Variants in PCDH9 observed in about 807,000 individuals in gnomAD.
PCDH9 encodes protocadherin 9.
Under a neutral mutation model 70.6 loss-of-function variants are expected in PCDH9, and 24 were observed. The ratio of observed to expected loss-of-function variants is 0.34; its 90% CI spans 0.25 to 0.48. The LOEUF (loss-of-function observed/expected upper bound fraction) is 0.48, where lower values mean the gene tolerates loss of function less well. Among genes scored for constraint, PCDH9 ranks in the 20% least tolerant of loss-of-function variants. The pLI, the probability that PCDH9 is intolerant of heterozygous loss-of-function variation, is 0.99. For synonymous variants in PCDH9, 562 were observed against 558.5 expected, an observed-to-expected ratio of 1.01 and a Z score of -0.09; for missense variants, 1,281 against 1,503.6, an observed-to-expected ratio of 0.85 and a Z score of 2.45.
rs180886807 is a variant in PCDH9 at position 66,847,630 on chromosome 13, C to G, written c.3138+55874G>C. On this transcript the variant is annotated intron_variant, in intron 3 of 4. Coordinates refer to ENST00000377865, the MANE Select transcript of PCDH9 (RefSeq NM_203487.3). ...TTTCACCTATTAACTTAAAAGGAAG[C>G]ATTTTATGACGTCTTTTCGACATAT... Among the ~76,000 whole-genome samples, 45 of 152,276 alleles carry G rather than the reference C, an allele frequency of 3.0e-4. 2 individuals are homozygous for G. In the East Asian group the frequency reaches 8.3e-3, roughly 28 times the overall value.
intron 2 of PCDH9, among the ~76,000 whole-genome samples, chr13:66,995,796 T>C (rs2084101911): frequency 1.3e-5 from 2 of 152,196 alleles, no homozygotes; most frequent in African/African-American, 2.4e-5. Context: ...AGAGAACATA[T>C]CATCTGCATT....
intron 3 of PCDH9, among the ~76,000 whole-genome samples, chr13:66,670,391 T>A (rs1346463860): frequency 2.0e-5 from 3 of 152,034 alleles, no homozygotes; most frequent in African/African-American, 7.2e-5. Context: ...TGGCATAGAG[T>A]ATTTAGTCAA....
intron 4 of PCDH9, among the ~76,000 whole-genome samples, chr13:66,349,638 A>T (rs1956264011): frequency 6.6e-6 from 1 of 152,164 alleles, no homozygotes; most frequent in Non-Finnish European, 1.5e-5. Context: ...CTTTTGGGGC[A>T]ATAGGAGACA....
intron 4 of PCDH9, among the ~76,000 whole-genome samples, chr13:66,399,916 A>G (rs1338825550): frequency 1.3e-5 from 2 of 152,158 alleles, no homozygotes; most frequent in Admixed American, 1.3e-4. Flanking sequence ...AGTGAGAATC[A>G]GACCCTGGGT....
At chr13:66,586,754 C>T (rs1195651893) in intron 4 of PCDH9, among the ~76,000 whole-genome samples, 1 of 152,078 alleles carries the variant, frequency 6.6e-6, no homozygotes, top group Admixed American at 6.6e-5. Flanking sequence ...TACTGTAATA[C>T]TATTATTACA....
chr13:66,559,211 T>C (rs975589751), intron 4 of PCDH9, among the ~76,000 whole-genome samples: 4 of 152,216 alleles, frequency 2.6e-5, no homozygotes, highest in African/African-American at 9.6e-5. Flanking sequence ...ACTACTCATA[T>C]GTTCACTTTA....
At chr13:66,640,510 C>T (rs1383413252) in intron 3 of PCDH9, among the ~76,000 whole-genome samples, 1 of 144,692 alleles carries the variant, frequency 6.9e-6, no homozygotes, top group Non-Finnish European at 1.5e-5. Flanking sequence ...AAAGTTTAAA[C>T]AGTCACGCAC....
rs183178251 is a variant in PCDH9, at chr13:66,369,131, A to G, written c.3341-64103T>C. On this transcript the variant is annotated intron_variant, in intron 4 of 4. Coordinates refer to ENST00000377865, the MANE Select transcript of PCDH9 (RefSeq NM_203487.3). ...CAAGTATACTTGCTAGTCTTTAGAA[A>G]TGGCTGCATCTGCCCTTAAATGTGT... Among the ~76,000 whole-genome samples, 147 of 152,254 alleles carry G rather than the reference A, an allele frequency of 9.7e-4. 1 individual carries two copies. The highest frequency in any genetic ancestry group is 3.3e-3 in the African/African-American group (137 of 41,562).
intron 4 of PCDH9, among the ~76,000 whole-genome samples, chr13:66,498,022 G>T (rs1442954798): frequency 6.6e-6 from 1 of 151,852 alleles, no homozygotes; most frequent in African/African-American, 2.4e-5. Context: ...GTTTCGCCAT[G>T]TTGGCCAGGC....
chr13:67,090,124 T>C (rs1376085779), intron 2 of PCDH9, among the ~76,000 whole-genome samples: 2 of 152,040 alleles, frequency 1.3e-5, no homozygotes, highest in African/African-American at 4.8e-5. Flanking sequence ...AAGTATTTAA[T>C]AAATATCTGT....
intron 3 of PCDH9, among the ~76,000 whole-genome samples, chr13:66,802,321 G>T (rs17081874): frequency 0.048 from 7,270 of 151,904 alleles, 565 homozygotes; most frequent in African/African-American, 0.16. Flanking sequence ...GAACAGTCAG[G>T]CACATATAAG....
In PCDH9 at chr13:67,225,776, C is replaced by T; in HGVS notation, c.2665G>A (p.Glu889Lys). The change falls in exon 2 of 5, where the codon GAG becomes AAG. Residue 889 changes from glutamate (E) to lysine (K), a missense_variant. Around this residue, in one of 4 missense-constraint regions of PCDH9, gnomAD observed 207 missense variants for 191.8 expected, o/e 1.08. Transcript: ENST00000377865. Reference protein sequence around the residue: ...SSLLNFVTIEESKPDDAVHEP... With the variant: ...SSLLNFVTIEKSKPDDAVHEP... ...TGAACTGCATCATCGGGTTTGGACTCTTCGATAGTAACAAAGTTCAAAAGA... is the reference window on the plus strand; with the variant it reads ...TGAACTGCATCATCGGGTTTGGACTTTTCGATAGTAACAAAGTTCAAAAGA... 14 of 1,614,154 alleles carry T rather than the reference C, an allele frequency of 8.7e-6. No homozygotes were observed. Among genetic ancestry groups the T allele is most frequent in the Non-Finnish European group, 1.2e-5 (14 of 1,180,022 alleles).
intron 2 of PCDH9, among the ~76,000 whole-genome samples, chr13:67,145,152 C>A (rs538111050): frequency 6.6e-6 from 1 of 152,152 alleles, no homozygotes; most frequent in East Asian, 1.9e-4. Context: ...CACCATAATA[C>A]AATGCGATGA....
intron 2 of PCDH9, among the ~76,000 whole-genome samples, chr13:66,926,203 T>G (rs1417317932): frequency 6.6e-6 from 1 of 152,048 alleles, no homozygotes. Context: ...TTCTTTAGAT[T>G]CATTAAATGA....
chr13:66,783,418 G>A (rs2080031177), intron 3 of PCDH9, among the ~76,000 whole-genome samples: 1 of 151,966 alleles, frequency 6.6e-6, no homozygotes, highest in South Asian at 2.1e-4. Flanking sequence ...CAGACACCTC[G>A]ATCATACTTT....
At chr13:66,944,453 C>T (rs2083055089) in intron 2 of PCDH9, among the ~76,000 whole-genome samples, 1 of 152,050 alleles carries the variant, frequency 6.6e-6, no homozygotes, top group Non-Finnish European at 1.5e-5. Context: ...GGCACTATGC[C>T]AACTATATTT....
intron 4 of PCDH9, among the ~76,000 whole-genome samples, chr13:66,486,435 TGACAGAGCTAGACCCTGTC>T (rs1958943915): frequency 3.4e-5 from 5 of 148,242 alleles, no homozygotes; most frequent in Admixed American, 6.9e-5. Flanking sequence ...CCAGCCTGGG[TGACAGAGCTAGACCCTGTC>T]CCCCCCCCAC....
intron 2 of PCDH9, among the ~76,000 whole-genome samples, chr13:67,107,791 C>A (rs1320360162): frequency 4.6e-5 from 7 of 152,192 alleles, no homozygotes; most frequent in Non-Finnish European, 5.9e-5. Flanking sequence ...CCTTGCTCAC[C>A]ATATTGCAGG....
In PCDH9 at chr13:66,944,328, T is replaced by C. The variant is rs2083053307; in HGVS notation, c.3037-40723A>G. ...ATATTTAGCATAAAGAGATAAAGTG[T>C]TCTCTAGTTTCTATAATATGCAATT... On this transcript the variant is annotated intron_variant, in intron 2 of 4. Coordinates refer to ENST00000377865, the MANE Select transcript of PCDH9 (RefSeq NM_203487.3). Among the ~76,000 whole-genome samples, 2 of 152,136 alleles carry C rather than the reference T, an allele frequency of 1.3e-5. 1 individual carries two copies. The highest frequency in any genetic ancestry group is 4.1e-4 in the South Asian group (2 of 4,834).
Sources: gnomAD v4.1 joint callset for allele counts (sites outside exome capture counted in the v4.1 genomes callset) on GRCh38, gnomAD v4.1.1 for gene constraint, gnomAD v4.1.1 regional missense constraint, MANE v1.5 for transcripts, NCBI Gene and HGNC (gene_info 2026-07-23, HGNC 2026-07-21) for gene names.